ADAMTS17: variants seen among roughly 807,000 people sequenced by gnomAD.
ADAMTS17 encodes ADAM metallopeptidase with thrombospondin type 1 motif 17, also known as A disintegrin and metalloproteinase with thrombospondin motifs 17.
ADAMTS17 carries 113 observed loss-of-function variants against 141.5 expected under a neutral mutation model. The ratio of observed to expected loss-of-function variants is 0.80; its 90% CI spans 0.69 to 0.93. ADAMTS17 has a LOEUF of 0.93. ADAMTS17 is among the 40% of genes least tolerant of loss of function. ADAMTS17 has a pLI of 0.00. For missense variants in ADAMTS17, 1,659 were observed against 1,517.9 expected, an observed-to-expected ratio of 1.09 and a Z score of -1.54; for synonymous variants, 768 against 630.6, an observed-to-expected ratio of 1.22 and a Z score of -3.27.
chr15:100,301,406 G>A (rs1019511441), intron 3 of ADAMTS17, among the ~76,000 whole-genome samples: 2 of 151,630 alleles, frequency 1.3e-5, no homozygotes, highest in Non-Finnish European at 2.9e-5. Context: ...CTCACTGCAA[G>A]CTCCACCTCC....
intron 3 of ADAMTS17, among the ~76,000 whole-genome samples, chr15:100,299,833 C>G (rs538641883): frequency 1.2e-4 from 19 of 152,262 alleles, no homozygotes; most frequent in African/African-American, 4.3e-4. Flanking sequence ...ACCTCTCCCC[C>G]AGTCCCCAAA....
intron 3 of ADAMTS17, among the ~76,000 whole-genome samples, chr15:100,284,975 G>A (rs192612521): frequency 7.2e-5 from 11 of 152,264 alleles, no homozygotes; most frequent in African/African-American, 2.6e-4. Context: ...GGTGGCTCTC[G>A]CCCCGCTGAT....
chr15:100,146,024 T>C (rs535824314), intron 10 of ADAMTS17, among the ~76,000 whole-genome samples: 1 of 152,196 alleles, frequency 6.6e-6, no homozygotes, highest in African/African-American at 2.4e-5. Flanking sequence ...AATACAAAAA[T>C]TAGCTGGGTG....
intron 7 of ADAMTS17, among the ~76,000 whole-genome samples, chr15:100,199,753 G>A (rs1158341645): frequency 6.6e-6 from 1 of 152,186 alleles, no homozygotes; most frequent in African/African-American, 2.4e-5. Flanking sequence ...AAGGTCACCT[G>A]GATGGGCACT....
At chr15:100,223,585 C>A (rs985668972) in intron 7 of ADAMTS17, among the ~76,000 whole-genome samples, 1 of 152,060 alleles carries the variant, frequency 6.6e-6, no homozygotes, top group African/African-American at 2.4e-5. Flanking sequence ...ATGAGAATCA[C>A]AGTGACTCTT....
intron 18 of ADAMTS17, among the ~76,000 whole-genome samples, chr15:100,048,301 G>T (rs887516120): frequency 6.6e-6 from 1 of 152,172 alleles, no homozygotes; most frequent in Non-Finnish European, 1.5e-5. Context: ...AGGAGGCTTA[G>T]CTGATGAACG....
chr15:100,119,625 C>T (rs141787000), intron 12 of ADAMTS17, among the ~76,000 whole-genome samples: 15 of 152,300 alleles, frequency 9.8e-5, no homozygotes, highest in East Asian at 3.9e-4. Flanking sequence ...AGTGAGGAGG[C>T]GGAGAGGAGA....
intron 15 of ADAMTS17, among the ~76,000 whole-genome samples, chr15:100,093,708 C>A (rs1025541652): frequency 7.2e-5 from 11 of 152,096 alleles, no homozygotes; most frequent in Non-Finnish European, 2.9e-5. Flanking sequence ...CCACCAGAAC[C>A]TGGGGTCTCA....
intron 3 of ADAMTS17, among the ~76,000 whole-genome samples, chr15:100,327,730 G>T (rs2045939327): frequency 1.3e-5 from 2 of 152,156 alleles, no homozygotes; most frequent in Admixed American, 1.3e-4. Context: ...ATTTTAGTTT[G>T]CCAAGTTCCA....
At chr15:100,179,072 C>T (rs1220052735) in intron 8 of ADAMTS17, among the ~76,000 whole-genome samples, 1 of 152,148 alleles carries the variant, frequency 6.6e-6, no homozygotes, top group African/African-American at 2.4e-5. Flanking sequence ...GGGGTATCAT[C>T]ATCTCCAACA....
At chr15:100,114,587 T>C (rs1276972238) in intron 13 of ADAMTS17, among the ~76,000 whole-genome samples, 3 of 151,954 alleles carry the variant, frequency 2.0e-5, no homozygotes, top group Non-Finnish European at 2.9e-5. Context: ...GAGCGTGGGG[T>C]CTCTCCTTCA....
intron 15 of ADAMTS17, among the ~76,000 whole-genome samples, chr15:100,064,294 C>A (rs1426603673): frequency 6.6e-6 from 1 of 152,192 alleles, no homozygotes; most frequent in African/African-American, 2.4e-5. Context: ...GCAGAAGGAA[C>A]CAACCCTGCT....
At chr15:100,301,953 A>G (rs1310429526) in intron 3 of ADAMTS17, among the ~76,000 whole-genome samples, 2 of 152,202 alleles carry the variant, frequency 1.3e-5, no homozygotes, top group Non-Finnish European at 2.9e-5. Context: ...CAATTCACCC[A>G]TTTAGCATAT....
At chr15:100,211,751 T>C (rs2041817049) in intron 7 of ADAMTS17, among the ~76,000 whole-genome samples, 1 of 152,218 alleles carries the variant, frequency 6.6e-6, no homozygotes. Context: ...ATATACAACC[T>C]ACCTTGTCAC....
intron 15 of ADAMTS17, among the ~76,000 whole-genome samples, chr15:100,058,243 G>A (rs761060975): frequency 0.021 from 143 of 6,870 alleles, 26 homozygotes; most frequent in African/African-American, 0.041. Context: ...TCCCAGCTCT[G>A]ACCCTCCTAT....
At chr15:99,986,818 G>A (rs776998223) in intron 20 of ADAMTS17, among the ~76,000 whole-genome samples, 28 of 152,138 alleles carry the variant, frequency 1.8e-4, no homozygotes, top group Admixed American at 3.3e-4. Flanking sequence ...ACATAGACCC[G>A]GCATTCAGTG....
At chr15:100,115,042 CCA>C (rs1357708002) in intron 13 of ADAMTS17, among the ~76,000 whole-genome samples, 1 of 152,110 alleles carries the variant, frequency 6.6e-6, no homozygotes, top group Non-Finnish European at 1.5e-5. Context: ...TGAGTCTGTC[CCA>C]GACCTGACCT....
At chr15:100,226,693 G>T (rs915235497) in intron 7 of ADAMTS17, among the ~76,000 whole-genome samples, 10 of 152,240 alleles carry the variant, frequency 6.6e-5, no homozygotes, top group African/African-American at 2.4e-4. Context: ...AAAGACCTCA[G>T]AGGATGATCT....
At chr15:100,075,337 T>A (rs565994524) in intron 15 of ADAMTS17, among the ~76,000 whole-genome samples, 16 of 152,354 alleles carry the variant, frequency 1.1e-4, no homozygotes, top group African/African-American at 3.8e-4. Context: ...TTCTTGCTGG[T>A]CTCAAATGTG....
Sources: allele counts gnomAD v4.1 joint callset (sites outside exome capture counted in the v4.1 genomes callset), GRCh38; gene constraint gnomAD v4.1.1; transcripts MANE v1.5; gene names NCBI Gene and HGNC (gene_info 2026-07-23, HGNC 2026-07-21).